CHN1: variants seen among roughly 807,000 people sequenced by gnomAD.
The protein encoded by CHN1 is chimerin 1.
A neutral mutation model predicts 59.5 loss-of-function variants in CHN1; 37 were observed. The observed-to-expected ratio is 0.62, with a 90% CI of 0.48 to 0.82. The LOEUF (loss-of-function observed/expected upper bound fraction) is 0.82, where lower values mean the gene tolerates loss of function less well. Ranked by LOEUF, CHN1 falls within the 40% of genes least tolerant of loss-of-function variation. The pLI, the probability that CHN1 is intolerant of heterozygous loss-of-function variation, is 0.00. For missense variants in CHN1, 469 were observed against 571.0 expected (o/e 0.82, Z 1.82); for synonymous variants, 206 against 200.4 (o/e 1.03, Z -0.24).
At chr2:174,872,176 T>C (rs1250084606) in intron 6 of CHN1, among the ~76,000 whole-genome samples, 1 of 152,056 alleles carries the variant, frequency 6.6e-6, no homozygotes, top group Admixed American at 6.6e-5. Context: ...CCCAGCTATT[T>C]GGGAGGCTAA....
rs906808973 is a variant in CHN1, at chr2:174,798,964, G to C, written c.*1152C>G. Among the ~76,000 whole-genome samples the C allele has an allele frequency of 6.6e-6, 1 of 152,218 alleles. No homozygotes were observed. Among genetic ancestry groups the C allele is most frequent in the African/African-American group, 2.4e-5 (1 of 41,452 alleles). On this transcript the variant is annotated 3_prime_UTR_variant, in exon 13 of 13. Transcript: ENST00000409900. ...GTGGTAGTACCAGGCCCAGAATCTG[G>C]GCTCCTGGCCCCTAGCTGCAGACCC...
At chr2:174,876,998 G>T (rs1247146001) in intron 6 of CHN1, among the ~76,000 whole-genome samples, 1 of 152,152 alleles carries the variant, frequency 6.6e-6, no homozygotes, top group Non-Finnish European at 1.5e-5. Flanking sequence ...TTTAGCAATT[G>T]AAGATTCTTA....
chr2:174,915,056 A>T lies in CHN1; in HGVS notation c.260+2T>A. 6.2e-7 allele frequency: 1 copy of T among 1,603,210 alleles called. No individual in the cohort carries two copies. The highest frequency in any genetic ancestry group is 8.5e-7 in the Non-Finnish European group (1 of 1,172,966). ...AGTAGTAATTGCAGGCCCATGACCA[A>T]CCTTAAAGCCAAAGTGTAGGTCCCT... On this transcript the variant is annotated splice_donor_variant, in intron 5 of 12. Coordinates refer to ENST00000409900, the MANE Select transcript of CHN1 (RefSeq NM_001822.7). LOFTEE classifies it high-confidence loss of function.
chr2:174,900,512 C>G (rs554386738), intron 5 of CHN1, among the ~76,000 whole-genome samples: 1 of 151,950 alleles, frequency 6.6e-6, no homozygotes, highest in Non-Finnish European at 1.5e-5. Flanking sequence ...ATTTTTAAAA[C>G]GTAACCATCA....
chr2:174,886,937 A>G (rs1687913444), intron 5 of CHN1, among the ~76,000 whole-genome samples: 1 of 152,232 alleles, frequency 6.6e-6, no homozygotes, highest in Admixed American at 6.5e-5. Flanking sequence ...CATGGTCAAG[A>G]TGCAGAACAT....
At position 174,845,618 on chromosome 2, in the gene CHN1, G is replaced by C. The variant is rs181138759; in HGVS notation, c.627+1262C>G. 6.3e-4 allele frequency among the ~76,000 whole-genome samples: 96 copies of C among 152,116 alleles called. 3 individuals carry two copies. The Middle Eastern group carries it at 0.01, about 16-fold the overall frequency. On this transcript the variant is annotated intron_variant, in intron 7 of 12. Coordinates refer to ENST00000409900, the MANE Select transcript of CHN1 (RefSeq NM_001822.7). ...TAAGGTCCTTAATATGTTTAAAGAG[G>C]AAGAAGAAAACGTTATTTAGTTTAT...
Position 174,944,964 on chromosome 2 carries a change from A to G in CHN1, c.59-21T>C, listed in dbSNP as rs2105404394. On this transcript the variant is annotated intron_variant, in intron 2 of 12. Coordinates refer to ENST00000409900, the MANE Select transcript of CHN1 (RefSeq NM_001822.7). The stretch of plus-strand genomic sequence containing the variant: ...ATATACTGTGAGAAGGTAGAAACAA[A>G]AAGTGTCAATGTCCCTTACATAGAA... 3 of 1,548,402 alleles carry G rather than the reference A, an allele frequency of 1.9e-6. No homozygotes were observed. The South Asian group carries it at 3.6e-5, about 18-fold the overall frequency.
At chr2:174,869,067 T>C (rs1226945799) in intron 6 of CHN1, among the ~76,000 whole-genome samples, 1 of 152,058 alleles carries the variant, frequency 6.6e-6, no homozygotes, top group Non-Finnish European at 1.5e-5. Context: ...GTATAGTCAA[T>C]GATTAAAGGA....
intron 5 of CHN1, among the ~76,000 whole-genome samples, chr2:174,892,721 G>A (rs1391071860): frequency 2.0e-5 from 3 of 152,072 alleles, no homozygotes; most frequent in Admixed American, 6.6e-5. Context: ...CACCAACCTA[G>A]TGAACCAAAT....
chr2:174,916,445 C>T (rs1688851185), intron 4 of CHN1, among the ~76,000 whole-genome samples: 1 of 152,174 alleles, frequency 6.6e-6, no homozygotes, highest in Non-Finnish European at 1.5e-5. Context: ...AGTCTTTCCT[C>T]CCCTACAATA....
At chr2:174,826,582 G>A (rs889995678) in intron 7 of CHN1, among the ~76,000 whole-genome samples, 1 of 152,198 alleles carries the variant, frequency 6.6e-6, no homozygotes, top group Non-Finnish European at 1.5e-5. Context: ...TCATGGTAAA[G>A]CATCTGAAAG....
intron 1 of CHN1, among the ~76,000 whole-genome samples, chr2:174,967,247 C>T (rs1167510708): frequency 1.3e-5 from 2 of 151,856 alleles, no homozygotes; most frequent in Admixed American, 6.6e-5. Flanking sequence ...GGGTAGGAGG[C>T]AGGAGTGGCA....
At chr2:174,860,863 C>T (rs576878405) in intron 6 of CHN1, among the ~76,000 whole-genome samples, 2 of 152,122 alleles carry the variant, frequency 1.3e-5, no homozygotes, top group East Asian at 1.9e-4. Context: ...CCAGATTTCT[C>T]GCTCTTTCCA....
Position 174,812,415 on chromosome 2 carries a change from C to A in CHN1, c.780G>T (p.Lys260Asn). 2 of 1,614,002 alleles carry A rather than the reference C, an allele frequency of 1.2e-6. No homozygotes were observed. The highest frequency in any genetic ancestry group is 1.7e-6 in the Non-Finnish European group (2 of 1,179,878). ...CACAGCTGTACACCTTTTTGACATG[C>A]TTCAAGTCTGGCTTACAGTCATTTG... ...MVPNDCKPDL[K>N]HVKKVYSCDL... is the part of the protein sequence containing the mutation. Residue 260 changes from lysine to asparagine, a missense_variant, in exon 9 of 13, where the codon AAG becomes AAT. This residue lies in a region of CHN1 where 225 missense variants were observed against 289.9 expected (regional missense o/e 0.78). Transcript: ENST00000409900.
At chr2:174,990,260 TGTGAGAGAGA>T (rs1211431107) in intron 1 of CHN1, among the ~76,000 whole-genome samples, 262 of 98,688 alleles carry the variant, frequency 2.7e-3, no homozygotes, top group South Asian at 6.2e-3. Flanking sequence ...TGTGTGTGTG[TGTGAGAGAGA>T]GAGAGAGAGA....
At chr2:174,826,767 A>G (rs145884584) in intron 7 of CHN1, among the ~76,000 whole-genome samples, 142 of 152,308 alleles carry the variant, frequency 9.3e-4, no homozygotes, top group African/African-American at 3.2e-3. Flanking sequence ...TCTTTATATT[A>G]GATATGCTGA....
At chr2:174,981,172 A>G (rs1166406693) in intron 1 of CHN1, among the ~76,000 whole-genome samples, 1 of 152,202 alleles carries the variant, frequency 6.6e-6, no homozygotes, top group Non-Finnish European at 1.5e-5. Flanking sequence ...AGTTGGATAA[A>G]CGAATCCTAA....
intron 5 of CHN1, among the ~76,000 whole-genome samples, chr2:174,904,901 A>G (rs923574075): frequency 2.0e-5 from 3 of 152,116 alleles, no homozygotes; most frequent in African/African-American, 7.2e-5. Flanking sequence ...TTCAGAGGCC[A>G]AAGAGTGTCT....
chr2:174,982,311 C>T (rs1691180985), intron 1 of CHN1, among the ~76,000 whole-genome samples: 1 of 152,054 alleles, frequency 6.6e-6, no homozygotes, highest in Non-Finnish European at 1.5e-5. Context: ...GGGTATATAC[C>T]CAGTAACAGG....
Sources: allele counts gnomAD v4.1 joint callset (sites outside exome capture counted in the v4.1 genomes callset), GRCh38; gene constraint gnomAD v4.1.1; regional missense constraint gnomAD v4.1.1; transcripts MANE v1.5; gene names NCBI Gene and HGNC (gene_info 2026-07-23, HGNC 2026-07-21).